Variants in PDSS2 observed in about 807,000 individuals in gnomAD.
PDSS2 encodes the protein decaprenyl diphosphate synthase subunit 2.
A neutral mutation model predicts 44.5 loss-of-function variants in PDSS2; 31 were observed. The observed-to-expected ratio is 0.70, with a 90% CI of 0.52 to 0.94. The LOEUF (loss-of-function observed/expected upper bound fraction) is 0.94, where lower values mean the gene tolerates loss of function less well. Among genes scored for constraint, PDSS2 ranks in the 40% least tolerant of loss-of-function variants. The probability of loss-of-function intolerance (pLI) is 0.00; values close to 1 mark genes in which losing one functional copy is unlikely to be tolerated. For missense variants in PDSS2, 452 were observed against 482.2 expected (o/e 0.94, Z 0.59); for synonymous variants, 157 against 180.3 (o/e 0.87, Z 1.03).
intron 1 of PDSS2, among the ~76,000 whole-genome samples, chr6:107,402,552 T>TAA (rs1554276835): frequency 0.018 from 430 of 23,630 alleles, 3 homozygotes; most frequent in Middle Eastern, 0.05. Flanking sequence ...TATATATATA[T>TAA]AAAAATATAT....
intron 1 of PDSS2, among the ~76,000 whole-genome samples, chr6:107,423,161 T>C (rs1356394638): frequency 6.6e-6 from 1 of 152,190 alleles, no homozygotes; most frequent in African/African-American, 2.4e-5. Context: ...AATCTCTGCA[T>C]CTCTGTTATA....
chr6:107,227,851 T>C (rs1432525034), intron 4 of PDSS2, among the ~76,000 whole-genome samples: 1 of 152,208 alleles, frequency 6.6e-6, no homozygotes, highest in South Asian at 2.1e-4. Context: ...GAGTCTGAGA[T>C]GCCTGTGAGA....
intron 1 of PDSS2, among the ~76,000 whole-genome samples, chr6:107,437,499 T>C (rs1171349568): frequency 7.3e-6 from 1 of 136,294 alleles, no homozygotes; most frequent in African/African-American, 2.9e-5. Context: ...CACTCCAGCC[T>C]AGGAGACAGA....
chr6:107,160,260 CA>C (rs1771076025), intron 7 of PDSS2, among the ~76,000 whole-genome samples: 1 of 151,958 alleles, frequency 6.6e-6, no homozygotes, highest in African/African-American at 2.4e-5. Flanking sequence ...ACACAAAGAA[CA>C]AGAGTTAATT....
Position 107,180,032 on chromosome 6 carries a change from G to A in PDSS2, c.1041+13790C>T, listed in dbSNP as rs140424277. On this transcript the variant is annotated intron_variant, in intron 7 of 7. Coordinates refer to ENST00000369037, the MANE Select transcript of PDSS2 (RefSeq NM_020381.4). ...AACTACGTTCAGTATCTATACAGAG[G>A]TGCCTCTCTTTTCACTCAAAAACCA... Among the ~76,000 whole-genome samples, 1,178 of 152,226 alleles carry A rather than the reference G, an allele frequency of 7.7e-3. 9 individuals are homozygous for A. The highest frequency in any genetic ancestry group is 0.011 in the Non-Finnish European group (759 of 68,022).
At chr6:107,219,103 T>C (rs1032363871) in intron 4 of PDSS2, among the ~76,000 whole-genome samples, 1 of 151,794 alleles carries the variant, frequency 6.6e-6, no homozygotes, top group African/African-American at 2.4e-5. Context: ...TTTTAATGCC[T>C]CTCTACTGCT....
chr6:107,301,745 C>T (rs527592312), intron 2 of PDSS2, among the ~76,000 whole-genome samples: 44 of 151,998 alleles, frequency 2.9e-4, no homozygotes, highest in Non-Finnish European at 5.4e-4. Flanking sequence ...AGGCAGATCA[C>T]GAGGTCAAGA....
chr6:107,444,266 A>G (rs936510433), intron 1 of PDSS2, among the ~76,000 whole-genome samples: 5 of 152,146 alleles, frequency 3.3e-5, no homozygotes, highest in Non-Finnish European at 7.3e-5. Flanking sequence ...CCTGAGCTTC[A>G]GCAATCCTTT....
chr6:107,304,542 G>C (rs146151755), intron 2 of PDSS2, among the ~76,000 whole-genome samples: 1 of 152,136 alleles, frequency 6.6e-6, no homozygotes, highest in Non-Finnish European at 1.5e-5. Flanking sequence ...TAATAGCTGC[G>C]TGAGCTGGAT....
intron 1 of PDSS2, among the ~76,000 whole-genome samples, chr6:107,435,080 C>T (rs767364021): frequency 6.6e-6 from 1 of 151,878 alleles, no homozygotes; most frequent in Non-Finnish European, 1.5e-5. Flanking sequence ...AGTTTAAGAC[C>T]AGCCTGGGCA....
At chr6:107,287,919 C>T (rs1040876799) in intron 2 of PDSS2, among the ~76,000 whole-genome samples, 1 of 152,122 alleles carries the variant, frequency 6.6e-6, no homozygotes, top group African/African-American at 2.4e-5. Context: ...AGCTTGAACC[C>T]AGGAGTTCAA....
At chr6:107,263,007 C>A (rs1229297606) in intron 3 of PDSS2, among the ~76,000 whole-genome samples, 1 of 151,878 alleles carries the variant, frequency 6.6e-6, no homozygotes, top group Non-Finnish European at 1.5e-5. Flanking sequence ...ATTAAAAAAC[C>A]AGTGCCTACC....
At chr6:107,347,968 AC>A (rs1049918944) in intron 1 of PDSS2, among the ~76,000 whole-genome samples, 39 of 151,840 alleles carry the variant, frequency 2.6e-4, no homozygotes, top group African/African-American at 9.2e-4. Flanking sequence ...GCCATCCCCC[AC>A]CCCCCACACA....
At chr6:107,322,538 A>C (rs894316789) in intron 2 of PDSS2, among the ~76,000 whole-genome samples, 6 of 147,284 alleles carry the variant, frequency 4.1e-5, no homozygotes, top group African/African-American at 1.5e-4. Context: ...CAAACAAACA[A>C]AACAACAACA....
intron 7 of PDSS2, among the ~76,000 whole-genome samples, chr6:107,181,889 C>CAAA (rs35752637): frequency 9.0e-6 from 1 of 111,368 alleles, no homozygotes; most frequent in Non-Finnish European, 2.0e-5. Context: ...GACTCTGTCT[C>CAAA]AAAAAAAAAA....
chr6:107,434,048 C>T (rs185237630), intron 1 of PDSS2, among the ~76,000 whole-genome samples: 1 of 152,248 alleles, frequency 6.6e-6, no homozygotes, highest in Non-Finnish European at 1.5e-5. Flanking sequence ...ATCAAAACTA[C>T]AACGAGATAT....
intron 3 of PDSS2, among the ~76,000 whole-genome samples, chr6:107,265,070 G>A (rs1775370292): frequency 6.6e-6 from 1 of 152,092 alleles, no homozygotes; most frequent in South Asian, 2.1e-4. Context: ...GCATTTATGT[G>A]ACTACAGCTA....
chr6:107,432,267 T>C (rs1781214961), intron 1 of PDSS2, among the ~76,000 whole-genome samples: 1 of 152,198 alleles, frequency 6.6e-6, no homozygotes, highest in South Asian at 2.1e-4. Context: ...AGGATTATCC[T>C]CTTTGGATCA....
intron 2 of PDSS2, among the ~76,000 whole-genome samples, chr6:107,308,915 C>T (rs1776947443): frequency 6.6e-6 from 1 of 152,136 alleles, no homozygotes. Flanking sequence ...GGGTGGAGCA[C>T]AGATTTAGCA....
Sources: allele counts gnomAD v4.1 joint callset (sites outside exome capture counted in the v4.1 genomes callset), GRCh38; gene constraint gnomAD v4.1.1; transcripts MANE v1.5; gene names NCBI Gene and HGNC (gene_info 2026-07-23, HGNC 2026-07-21).